CNOT9: variants seen among roughly 807,000 people sequenced by gnomAD.
The protein encoded by CNOT9 is RCD1 required for cell differentiation1 homolog.
CNOT9 carries 8 observed loss-of-function variants against 37.4 expected under a neutral mutation model. The ratio of observed to expected loss-of-function variants is 0.21; its 90% CI spans 0.13 to 0.39. The LOEUF (loss-of-function observed/expected upper bound fraction) is 0.39, where lower values mean the gene tolerates loss of function less well. CNOT9 is among the 10% of genes least tolerant of loss of function. The probability of loss-of-function intolerance (pLI) is 1.00; values close to 1 mark genes in which losing one functional copy is unlikely to be tolerated. For synonymous variants in CNOT9, 120 were observed against 137.6 expected, an observed-to-expected ratio of 0.87 and a Z score of 0.90; for missense variants, 154 against 365.3, an observed-to-expected ratio of 0.42 and a Z score of 4.71.
At position 218,594,778 on chromosome 2, in the gene CNOT9, G is replaced by C. The variant is rs1420557881; in HGVS notation, c.*502G>C. The C allele has an allele frequency of 6.5e-6, 1 of 154,808 alleles. No homozygotes were observed. The highest frequency in any genetic ancestry group is 2.4e-5 in the African/African-American group (1 of 41,612). 9.6% of individuals were successfully genotyped at this position (154,808 alleles called of 1,614,324 possible). A position where few individuals can be genotyped will look rare whatever the true frequency, so the allele number is the denominator to read the frequency against. Reference sequence around the variant, plus strand: ...TTTTTTGTTTTTAATCTCAGAGAGAGGTGTGTTTAGTGGGCACAAGCTGTA... The same window carrying C: ...TTTTTTGTTTTTAATCTCAGAGAGACGTGTGTTTAGTGGGCACAAGCTGTA... On this transcript the variant is annotated 3_prime_UTR_variant, in exon 8 of 8. Coordinates refer to ENST00000273064, the MANE Select transcript of CNOT9 (RefSeq NM_005444.3).
chr2:218,592,795 G>GAC lies in CNOT9; in HGVS notation c.731+90_731+91dup. On this transcript the variant is annotated intron_variant, in intron 7 of 7. Coordinates refer to ENST00000273064, the MANE Select transcript of CNOT9 (RefSeq NM_005444.3). This position sits in a 1 kb window ranked among gnomAD's most constrained non-coding sequence, Gnocchi z 4.1. ...CATGGCATAGCTCCTGTGTCTTTAG[G>GAC]ACAGGGAAGTGGGGATATAACTGCA... is the stretch of plus-strand genomic sequence containing the variant. 6.7e-6 allele frequency: 7 copies of GAC among 1,037,872 alleles called. No homozygotes were observed. The highest frequency in any genetic ancestry group is 9.0e-6 in the Non-Finnish European group (6 of 666,854). 64.3% of individuals were successfully genotyped at this position (1,037,872 alleles called of 1,614,324 possible).
intron 1 of CNOT9, among the ~76,000 whole-genome samples, chr2:218,580,230 C>T (rs897933418): frequency 3.3e-5 from 5 of 152,004 alleles, no homozygotes; most frequent in Non-Finnish European, 2.9e-5. Context: ...TGGCCTCCCA[C>T]AGCGCTGGGA....
At chr2:218,579,219 A>G (rs1456904237) in intron 1 of CNOT9, among the ~76,000 whole-genome samples, 3 of 152,252 alleles carry the variant, frequency 2.0e-5, no homozygotes, top group African/African-American at 7.2e-5. Context: ...CCAACCTTAG[A>G]GGTAACTACA....
intron 1 of CNOT9, among the ~76,000 whole-genome samples, chr2:218,576,966 CA>C (rs34234485): frequency 6.3e-4 from 86 of 136,948 alleles, no homozygotes; most frequent in Admixed American, 5.9e-4. Context: ...GGCTCCATCT[CA>C]AAAAAAAAAA....
At chr2:218,585,209 C>T (rs1043886124) in intron 4 of CNOT9, among the ~76,000 whole-genome samples, 1 of 144,730 alleles carries the variant, frequency 6.9e-6, no homozygotes. Flanking sequence ...GGCACAGGCA[C>T]ACACCACTGT....
intron 2 of CNOT9, chr2:218,581,115 G>T: frequency 5.0e-6 from 2 of 396,568 alleles, no homozygotes; most frequent in South Asian, 1.8e-5. Context: ...GGACCACAAG[G>T]TACAATATAT....
rs1694938618 is a variant in CNOT9 at position 218,596,849 on chromosome 2, A to G, written c.*2573A>G. The G allele has an allele frequency of 6.6e-6, 1 of 152,200 alleles. No homozygotes were observed. Among genetic ancestry groups the G allele is most frequent in the Non-Finnish European group, 1.5e-5 (1 of 68,052 alleles). The allele number at this position is 152,200 out of a possible 1,614,324, so 9.4% of individuals were successfully genotyped here. On this transcript the variant is annotated 3_prime_UTR_variant, in exon 8 of 8. Coordinates refer to ENST00000273064, the MANE Select transcript of CNOT9 (RefSeq NM_005444.3). ...GGAGCACATCTCCAGGATTGTTTCC[A>G]TGCCTGGCTGTCAGTGGGACACAGC...
rs1368079046 is a variant in CNOT9 at position 218,583,223 on chromosome 2, GTGTGTGTGTGTCTCTCTCTCTC to G, written c.320+139_320+160del. 74 of 365,142 alleles carry G rather than the reference GTGTGTGTGTGTCTCTCTCTCTC, an allele frequency of 2.0e-4. No individual in the cohort carries two copies. The East Asian group carries it at 2.2e-3, about 11-fold the overall frequency. The allele number at this position is 365,142 out of a possible 1,614,324, so 22.6% of individuals were successfully genotyped here. On this transcript the variant is annotated intron_variant, in intron 3 of 7. Coordinates refer to ENST00000273064, the MANE Select transcript of CNOT9 (RefSeq NM_005444.3). Reference sequence around the variant, plus strand: ...TGTGTGTGTGTGTGTGTGTGTGTGTGTGTGTGTGTGTCTCTCTCTCTCTCTCTCTCTCTCTCTCTCTCTCTCT... The same window carrying G: ...TGTGTGTGTGTGTGTGTGTGTGTGTGTCTCTCTCTCTCTCTCTCTCTCTCT...
rs773632542 is a variant in CNOT9 at position 218,581,332 on chromosome 2, C to CT, written c.204+604dup. On this transcript the variant is annotated intron_variant, in intron 2 of 7. Transcript: ENST00000273064. ...TATAGGCCTGCATCACCATGCCTGG[C>CT]TTTTTTTTTTTTAATTTTTAGTAGA... Among the ~76,000 whole-genome samples the CT allele has an allele frequency of 3.2e-3, 460 of 143,168 alleles. 2 individuals are homozygous for CT. Among genetic ancestry groups the CT allele is most frequent in the African/African-American group, 5.0e-3 (195 of 39,296 alleles). 93.9% of individuals were successfully genotyped at this position (143,168 alleles called of 152,430 possible).
chr2:218,580,988 C>T, intron 2 of CNOT9: 1 of 579,470 alleles, frequency 1.7e-6, no homozygotes, highest in African/African-American at 1.8e-5. Flanking sequence ...ACTTTCACCT[C>T]CCCCAGGTGA....
At chr2:218,569,091 A>C (rs915469205) in intron 1 of CNOT9, 113 bp downstream of exon 1, 70 of 1,156,922 alleles carry the variant, frequency 6.1e-5, no homozygotes, top group Middle Eastern at 1.9e-4. Flanking sequence ...TTCTGCCCTC[A>C]ATCTCCAAGG....
chr2:218,572,193 C>T (rs1023374075), intron 1 of CNOT9, among the ~76,000 whole-genome samples: 2 of 151,790 alleles, frequency 1.3e-5, no homozygotes, highest in South Asian at 2.1e-4. Flanking sequence ...TGGTGGCAGG[C>T]GCCTGTAATC....
At chr2:218,586,649 C>T (rs888987245) in intron 4 of CNOT9, among the ~76,000 whole-genome samples, 9 of 151,848 alleles carry the variant, frequency 5.9e-5, no homozygotes, top group Admixed American at 3.3e-4. Context: ...CCACCACACC[C>T]GGCTAATTTT....
Position 218,595,711 on chromosome 2 carries a change from G to A in CNOT9, c.*1435G>A, listed in dbSNP as rs902405618. On this transcript the variant is annotated 3_prime_UTR_variant, in exon 8 of 8. Coordinates refer to ENST00000273064, the MANE Select transcript of CNOT9 (RefSeq NM_005444.3). ...TGCCCACATCTCACACAATTGAGGTGTCTGAACAAGCTTGGGGAGGGTCTA... is the reference window on the plus strand; with the variant it reads ...TGCCCACATCTCACACAATTGAGGTATCTGAACAAGCTTGGGGAGGGTCTA... 6.6e-6 allele frequency: 1 copy of A among 150,998 alleles called. No homozygotes were observed. Among genetic ancestry groups the A allele is most frequent in the African/African-American group, 2.4e-5 (1 of 41,036 alleles). 9.4% of individuals were successfully genotyped at this position (150,998 alleles called of 1,614,324 possible).
chr2:218,584,633 C>T lies in CNOT9; in HGVS notation c.342C>T (p.His114=). 1 of 1,613,708 alleles carries T rather than the reference C, an allele frequency of 6.2e-7. No individual in the cohort carries two copies. The highest frequency in any genetic ancestry group is 8.5e-7 in the Non-Finnish European group (1 of 1,179,594). The part of the protein sequence containing the change: ...PETRSAFLAA[H]IPLFLYPFLH... ...CCAGGTCAGCGTTTCTCGCAGCACA[C>T]ATCCCACTTTTTTTGTACCCCTTTT... Residue 114 remains histidine, a synonymous_variant, in exon 4 of 8, where the codon CAC becomes CAT. Transcript: ENST00000273064.
chr2:218,574,169 T>TACGTTGGCCAGGCTG, intron 1 of CNOT9: 1 of 297,072 alleles, frequency 3.4e-6, no homozygotes, highest in South Asian at 2.5e-5. Flanking sequence ...AGGGTTTCAC[T>TACGTTGGCCAGGCTG]GTGTTGAAAC....
chr2:218,587,703 C>G lies in CNOT9; in HGVS notation c.540+8C>G. The G allele has an allele frequency of 6.7e-7, 1 of 1,494,076 alleles. No individual in the cohort carries two copies. The highest frequency in any genetic ancestry group is 9.2e-7 in the Non-Finnish European group (1 of 1,087,094). 92.6% of individuals were successfully genotyped at this position (1,494,076 alleles called of 1,614,324 possible). On this transcript the variant is annotated splice_region_variant and intron_variant, in intron 5 of 7. Coordinates refer to ENST00000273064, the MANE Select transcript of CNOT9 (RefSeq NM_005444.3). ...AGTGAACTTTCTAAAACAGTATGTA[C>G]TTTTAACTTAGATTTTACATTGTGT...
intron 1 of CNOT9, 21 bp from the exon 2 acceptor site, chr2:218,580,540 C>G: frequency 6.3e-7 from 1 of 1,578,116 alleles, no homozygotes; most frequent in Middle Eastern, 1.7e-4. Context: ...CTGATATTTA[C>G]TTTCTTGTCT....
At position 218,596,657 on chromosome 2, in the gene CNOT9, G is replaced by A. The variant is rs184511324; in HGVS notation, c.*2381G>A. The A allele has an allele frequency of 1.3e-5, 2 of 152,286 alleles. No homozygotes were observed. Among genetic ancestry groups the A allele is most frequent in the South Asian group, 2.1e-4 (1 of 4,822 alleles). The allele number at this position is 152,286 out of a possible 1,614,324, so 9.4% of individuals were successfully genotyped here. The stretch of plus-strand genomic sequence containing the variant: ...AAGCTGTTTGGGAGGCTGGGAGGGG[G>A]ATGATGCCCCTTACCTGATAAAAGT... On this transcript the variant is annotated 3_prime_UTR_variant, in exon 8 of 8. Coordinates refer to ENST00000273064, the MANE Select transcript of CNOT9 (RefSeq NM_005444.3).
Sources: allele counts gnomAD v4.1 joint callset (sites outside exome capture counted in the v4.1 genomes callset), GRCh38; gene constraint gnomAD v4.1.1; non-coding constraint Gnocchi (gnomAD v3.1); transcripts MANE v1.5; gene names NCBI Gene and HGNC (gene_info 2026-07-23, HGNC 2026-07-21).